TBL1X: variants seen among roughly 807,000 people sequenced by gnomAD.
TBL1X encodes transducin beta like 1 X-linked.
Under a neutral mutation model 50.7 loss-of-function variants are expected in TBL1X, and 10 were observed. The observed-to-expected ratio is 0.20, with a 90% confidence interval of 0.12 to 0.33. The LOEUF (loss-of-function observed/expected upper bound fraction) is 0.33. Among genes scored for constraint, TBL1X ranks in the 10% least tolerant of loss-of-function variants. The pLI, the probability that TBL1X is intolerant of heterozygous loss-of-function variation, is 1.00. For synonymous variants in TBL1X, 190 were observed against 214.7 expected (o/e 0.88, Z 1.01); for missense variants, 340 against 504.4 (o/e 0.67, Z 3.12).
At position 9,718,461 on chromosome X, in the gene TBL1X, C is replaced by T. The variant is rs1336419783; in HGVS notation, c.*2215C>T. The T allele has an allele frequency of 1.8e-5, 2 of 111,822 alleles. No individual in the cohort carries two copies. Among genetic ancestry groups the T allele is most frequent in the Non-Finnish European group, 3.8e-5 (2 of 53,151 alleles). 9.2% of individuals were successfully genotyped at this position (111,822 alleles called of 1,213,427 possible). ...AGGTCACAGTGATGTGGAGTCGCCG[C>T]ACCCATCTTTGAAGATAGCCAGTGT... is the stretch of plus-strand genomic sequence containing the variant. On this transcript the variant is annotated 3_prime_UTR_variant, in exon 18 of 18. Transcript: ENST00000645353.
intron 2 of TBL1X, among the ~76,000 whole-genome samples, chrX:9,518,818 T>C (rs1348198911): frequency 9.0e-6 from 1 of 110,700 alleles, no homozygotes; most frequent in East Asian, 2.9e-4. Context: ...AAGACCCTCC[T>C]TACTCCGTTA....
intron 2 of TBL1X, among the ~76,000 whole-genome samples, chrX:9,569,092 T>G (rs2082369509): frequency 9.3e-6 from 1 of 107,359 alleles, no homozygotes; most frequent in African/African-American, 3.5e-5. Context: ...TGTGTGTGTG[T>G]CTCTGCAGTG....
intron 2 of TBL1X, among the ~76,000 whole-genome samples, chrX:9,527,876 A>G (rs1478675104): frequency 3.6e-5 from 4 of 110,725 alleles, no homozygotes; most frequent in South Asian, 3.9e-4. Flanking sequence ...ACGGCTCCCT[A>G]CAGCCTTAAC....
chrX:9,526,770 T>C (rs1373792256), intron 2 of TBL1X, among the ~76,000 whole-genome samples: 1 of 112,330 alleles, frequency 8.9e-6, no homozygotes, highest in Admixed American at 9.4e-5. Context: ...TTTCATAGAA[T>C]ATTCTGTAAG....
intron 5 of TBL1X, among the ~76,000 whole-genome samples, chrX:9,654,640 T>C (rs1316236069): frequency 9.0e-6 from 1 of 111,171 alleles, no homozygotes; most frequent in East Asian, 2.8e-4. Context: ...CATGAGCTGG[T>C]GTGTGTGTTT....
chrX:9,719,504 G>A lies in TBL1X; in HGVS notation c.*3258G>A, dbSNP rs765995593. 9.0e-6 allele frequency: 1 copy of A among 111,628 alleles called. No individual in the cohort carries two copies. The highest frequency in any genetic ancestry group is 2.8e-4 in the East Asian group (1 of 3,549). 9.2% of individuals were successfully genotyped at this position (111,628 alleles called of 1,213,427 possible). A position where few individuals can be genotyped will look rare whatever the true frequency, so the allele number is the denominator to read the frequency against. On this transcript the variant is annotated 3_prime_UTR_variant, in exon 18 of 18. Coordinates refer to ENST00000645353, the MANE Select transcript of TBL1X (RefSeq NM_005647.4). ...ACTGAAGTTTTGCATTCTGGCTTGT[G>A]CAGTTTTTATTGTCTGTGTCAGACG...
Position 9,688,164 on chromosome X carries a change from A to G in TBL1X, c.505A>G (p.Thr169Ala). Residue 169 changes from threonine (T) to alanine (A), a missense_variant, in exon 7 of 18, where the codon ACG becomes GCG. Coordinates refer to ENST00000645353, the MANE Select transcript of TBL1X (RefSeq NM_005647.4). Reference sequence around the variant, plus strand: ...TGCGGCGGCGGCGGCGGCTGCGGCCACGGCAGCAGCGACAGCAGCCACCAC... The same window carrying G: ...TGCGGCGGCGGCGGCGGCTGCGGCCGCGGCAGCAGCGACAGCAGCCACCAC... ...ASAAAAAAAA[T>A]AAATAATTTS... 8.3e-7 allele frequency: 1 copy of G among 1,197,685 alleles called. No homozygotes were observed. Among genetic ancestry groups the G allele is most frequent in the Non-Finnish European group, 1.1e-6 (1 of 888,661 alleles).
At chrX:9,559,080 G>A (rs1360527474) in intron 2 of TBL1X, among the ~76,000 whole-genome samples, 1 of 111,695 alleles carries the variant, frequency 9.0e-6, no homozygotes, top group African/African-American at 3.3e-5. Flanking sequence ...TTATTGTTTA[G>A]ATACTGTGAA....
intron 13 of TBL1X, among the ~76,000 whole-genome samples, chrX:9,707,864 G>A (rs1279490251): frequency 2.7e-5 from 3 of 112,111 alleles, no homozygotes; most frequent in Non-Finnish European, 3.8e-5. Context: ...CCCTTTCCTG[G>A]GCCACGTGTG....
chrX:9,643,640 C>G (rs1242246179), intron 3 of TBL1X, among the ~76,000 whole-genome samples: 1 of 111,516 alleles, frequency 9.0e-6, no homozygotes, highest in African/African-American at 3.3e-5. Context: ...TCACTTGAGG[C>G]CGGAAGTTTG....
intron 5 of TBL1X, among the ~76,000 whole-genome samples, chrX:9,674,046 A>G (rs2082976154): frequency 8.9e-6 from 1 of 112,427 alleles, no homozygotes; most frequent in African/African-American, 3.2e-5. Context: ...AGCCTGGGCA[A>G]TGAGCGAAAT....
intron 2 of TBL1X, among the ~76,000 whole-genome samples, chrX:9,621,239 C>T (rs988572633): frequency 9.0e-6 from 1 of 111,655 alleles, no homozygotes; most frequent in Non-Finnish European, 1.9e-5. Context: ...TAGATTCGTT[C>T]ACTGGAGAGA....
intron 2 of TBL1X, among the ~76,000 whole-genome samples, chrX:9,608,019 C>A (rs2082592812): frequency 9.3e-6 from 1 of 107,700 alleles, no homozygotes; most frequent in South Asian, 4.2e-4. Context: ...CTGTGTTTCC[C>A]AAGCTGTTCT....
chrX:9,480,040 T>C (rs1293799352), intron 1 of TBL1X, among the ~76,000 whole-genome samples: 7 of 108,749 alleles, frequency 6.4e-5, no homozygotes, highest in African/African-American at 2.4e-4. Flanking sequence ...AACCTCCGCC[T>C]CCCGGGTTCA....
At chrX:9,709,853 C>CA in intron 15 of TBL1X, 93 bp downstream of exon 15, 1 of 1,097,207 alleles carries the variant, frequency 9.1e-7, no homozygotes, top group Non-Finnish European at 1.2e-6. Context: ...GTGTTGAAGC[C>CA]CTTCAGAGGA....
chrX:9,597,507 C>T (rs1008396362), intron 2 of TBL1X, among the ~76,000 whole-genome samples: 11 of 112,309 alleles, frequency 9.8e-5, no homozygotes, highest in African/African-American at 2.9e-4. Flanking sequence ...TAATTGGGAA[C>T]AGCAGTGAAT....
chrX:9,507,452 A>G (rs1195658426), intron 2 of TBL1X, among the ~76,000 whole-genome samples: 1 of 112,193 alleles, frequency 8.9e-6, no homozygotes, highest in Non-Finnish European at 1.9e-5. Flanking sequence ...GGACACAAAC[A>G]AATGGAAAAA....
At chrX:9,640,189 C>A (rs1215747012) in intron 2 of TBL1X, 84 bp from the exon 3 acceptor site, 6 of 112,023 alleles carry the variant, frequency 5.4e-5, no homozygotes, top group Admixed American at 3.8e-4. Flanking sequence ...GAAGAAAAAA[C>A]CTAAAGGAAC....
At chrX:9,607,410 G>C (rs757210363) in intron 2 of TBL1X, among the ~76,000 whole-genome samples, 3 of 111,310 alleles carry the variant, frequency 2.7e-5, no homozygotes, top group African/African-American at 9.6e-5. Context: ...TGCTGGTGCT[G>C]GCACCGCCTC....
Sources: allele counts gnomAD v4.1 joint callset (sites outside exome capture counted in the v4.1 genomes callset), GRCh38; gene constraint gnomAD v4.1.1; transcripts MANE v1.5; gene names NCBI Gene and HGNC (gene_info 2026-07-23, HGNC 2026-07-21).